B3GALT1: variants seen among roughly 807,000 people sequenced by gnomAD.
B3GALT1 encodes the protein UDP-Gal:betaGlcNAc beta 1,3-galactosyltransferase, polypeptide 1.
In B3GALT1, 10 loss-of-function variants were observed where a neutral mutation model predicts 23.2. The observed-to-expected ratio is 0.43, with a 90% confidence interval of 0.27 to 0.73. The LOEUF is 0.73. B3GALT1 is among the 30% of genes least tolerant of loss of function. The pLI is 0.21. For missense variants in B3GALT1, 299 were observed against 405.4 expected (o/e 0.74, Z 2.25); for synonymous variants, 156 against 141.5 (o/e 1.10, Z -0.73).
At chr2:167,472,324 G>C (rs1282287698) in intron 1 of B3GALT1, among the ~76,000 whole-genome samples, 5 of 152,112 alleles carry the variant, frequency 3.3e-5, no homozygotes, top group African/African-American at 1.2e-4. Flanking sequence ...GGAGGTGGGG[G>C]CTATTAACAA....
At chr2:167,835,570 C>T (rs1689446071) in intron 4 of B3GALT1, among the ~76,000 whole-genome samples, 1 of 152,242 alleles carries the variant, frequency 6.6e-6, no homozygotes, top group South Asian at 2.1e-4. Flanking sequence ...TCAAGGAGGG[C>T]TGCCTGCCTC....
At chr2:167,483,604 T>C (rs1699587539) in intron 1 of B3GALT1, among the ~76,000 whole-genome samples, 1 of 152,148 alleles carries the variant, frequency 6.6e-6, no homozygotes, top group Non-Finnish European at 1.5e-5. Flanking sequence ...GATGAAAAAC[T>C]GGCTTTTTCC....
chr2:167,778,652 A>C (rs1170856070), intron 3 of B3GALT1, among the ~76,000 whole-genome samples: 1 of 152,184 alleles, frequency 6.6e-6, no homozygotes, highest in Non-Finnish European at 1.5e-5. Flanking sequence ...TATTTTGAAA[A>C]AGCTTTGGAT....
At chr2:167,378,089 T>G (rs1448403787) in intron 1 of B3GALT1, among the ~76,000 whole-genome samples, 1 of 152,200 alleles carries the variant, frequency 6.6e-6, no homozygotes, top group Non-Finnish European at 1.5e-5. Context: ...ATTCTTAGTT[T>G]GGCAGGATAT....
chr2:167,833,743 A>G (rs1004340423), intron 4 of B3GALT1, among the ~76,000 whole-genome samples: 2 of 152,232 alleles, frequency 1.3e-5, no homozygotes, highest in Non-Finnish European at 1.5e-5. Context: ...TACGTGCTCA[A>G]ACTACACAAA....
Position 167,703,977 on chromosome 2 carries a change from C to T in B3GALT1, c.-352+57011C>T, listed in dbSNP as rs889010748. 1.2e-4 allele frequency among the ~76,000 whole-genome samples: 18 copies of T among 152,030 alleles called. No individual in the cohort carries two copies. In the East Asian group the frequency reaches 1.4e-3, roughly 11 times the overall value. On this transcript the variant is annotated intron_variant, in intron 3 of 4. Transcript: ENST00000392690. ...CGGGCGGATCACGAGGTCAGGAGAT[C>T]AAGACCTTCCTGGCTAACACGGTGA...
intron 1 of B3GALT1, among the ~76,000 whole-genome samples, chr2:167,331,911 G>A (rs139158901): frequency 1.3e-4 from 20 of 152,320 alleles, no homozygotes; most frequent in African/African-American, 4.8e-4. Flanking sequence ...AGTTGCGGTG[G>A]TTGTAGGCAG....
At chr2:167,418,379 G>C (rs1039140079) in intron 1 of B3GALT1, among the ~76,000 whole-genome samples, 1 of 151,944 alleles carries the variant, frequency 6.6e-6, no homozygotes, top group African/African-American at 2.4e-5. Context: ...GGAAGCAGAG[G>C]TAGGGGCTTA....
intron 4 of B3GALT1, among the ~76,000 whole-genome samples, chr2:167,842,250 C>A (rs1413342545): frequency 2.6e-5 from 4 of 152,304 alleles, no homozygotes; most frequent in African/African-American, 9.6e-5. Flanking sequence ...AAGTAGCAAC[C>A]ACAAACTTTC....
chr2:167,735,097 A>G, intron 3 of B3GALT1, among the ~76,000 whole-genome samples: 1 of 152,188 alleles, frequency 6.6e-6, no homozygotes, highest in Admixed American at 6.5e-5. Context: ...AAGGAATACA[A>G]TCGTAAATAT....
intron 3 of B3GALT1, chr2:167,716,011 G>A: frequency 6.2e-7 from 1 of 1,611,092 alleles, no homozygotes; most frequent in Non-Finnish European, 8.5e-7. Context: ...ATTCTGCGTA[G>A]CTCCTCCAGG....
intron 2 of B3GALT1, among the ~76,000 whole-genome samples, chr2:167,578,990 G>A (rs1684431316): frequency 6.6e-6 from 1 of 152,014 alleles, no homozygotes; most frequent in South Asian, 2.1e-4. Context: ...AGATACAAAA[G>A]GAACAGATGG....
chr2:167,337,351 A>T (rs1574038432), intron 1 of B3GALT1, among the ~76,000 whole-genome samples: 2 of 146,878 alleles, frequency 1.4e-5, no homozygotes, highest in African/African-American at 5.5e-5. Context: ...ATGCGTGCTC[A>T]CACACACACA....
chr2:167,300,373 G>GTA (rs1425743589), intron 1 of B3GALT1, among the ~76,000 whole-genome samples: 5 of 151,964 alleles, frequency 3.3e-5, no homozygotes, highest in Admixed American at 2.6e-4. Flanking sequence ...AATACTAAAT[G>GTA]TATATATATA....
intron 1 of B3GALT1, among the ~76,000 whole-genome samples, chr2:167,350,147 T>C (rs1448239172): frequency 1.3e-5 from 2 of 152,210 alleles, no homozygotes; most frequent in South Asian, 2.1e-4. Flanking sequence ...TTGAAAAAGA[T>C]TTTAATTGCA....
chr2:167,826,477 C>T (rs1689231778), intron 4 of B3GALT1, among the ~76,000 whole-genome samples: 1 of 152,228 alleles, frequency 6.6e-6, no homozygotes, highest in East Asian at 1.9e-4. Flanking sequence ...CAGCCTGGTG[C>T]TCCCTATGCC....
intron 1 of B3GALT1, among the ~76,000 whole-genome samples, chr2:167,369,067 G>A: frequency 2.6e-4 from 2 of 7,638 alleles, no homozygotes; most frequent in Non-Finnish European, 3.4e-3. Context: ...TTATTTGTGT[G>A]TGTGTGTGTG....
intron 1 of B3GALT1, among the ~76,000 whole-genome samples, chr2:167,416,531 GC>G: frequency 6.6e-6 from 1 of 152,340 alleles, no homozygotes; most frequent in South Asian, 2.1e-4. Flanking sequence ...TCCAACTAGA[GC>G]AATGCTGAGT....
rs534019501 is a variant in B3GALT1, at chr2:167,760,028, A to G, written c.-351-58644A>G. ...GGATTTATTTAGCTCAAGTTTTTCT[A>G]TCATTGAGGGAGTCTCAACCCAAGG... On this transcript the variant is annotated intron_variant, in intron 3 of 4. Coordinates refer to ENST00000392690, the MANE Select transcript of B3GALT1 (RefSeq NM_020981.4). Among the ~76,000 whole-genome samples, 14 of 152,282 alleles carry G rather than the reference A, an allele frequency of 9.2e-5. No homozygotes were observed. The South Asian group carries it at 2.7e-3, about 29-fold the overall frequency.
Sources: allele counts gnomAD v4.1 joint callset (sites outside exome capture counted in the v4.1 genomes callset), GRCh38; gene constraint gnomAD v4.1.1; transcripts MANE v1.5; gene names NCBI Gene and HGNC (gene_info 2026-07-23, HGNC 2026-07-21).